Variants in ATP9A observed in about 807,000 individuals in gnomAD.
ATP9A encodes probable phospholipid-transporting ATPase IIA.
Under a neutral mutation model 144.1 loss-of-function variants are expected in ATP9A, and 52 were observed. That is an observed-to-expected ratio of 0.36 (90% CI 0.29 to 0.45). The LOEUF is 0.45. Among genes scored for constraint, ATP9A ranks in the 20% least tolerant of loss-of-function variants. The pLI is 1.00. For missense variants in ATP9A, 947 were observed against 1,392.7 expected (o/e 0.68, Z 5.09); for synonymous variants, 582 against 557.4 (o/e 1.04, Z -0.62).
At chr20:51,715,512 G>T (rs1247290896) in intron 3 of ATP9A, among the ~76,000 whole-genome samples, 4 of 152,212 alleles carry the variant, frequency 2.6e-5, no homozygotes, top group African/African-American at 9.6e-5. Flanking sequence ...CTCTGCGTGG[G>T]CCTGGCTAAA....
In ATP9A at chr20:51,597,361, CA is replaced by C. The variant is rs1177085343; in HGVS notation, c.*3849del. 1 of 151,722 alleles carries C rather than the reference CA, an allele frequency of 6.6e-6. No homozygotes were observed. The highest frequency in any genetic ancestry group is 1.9e-4 in the East Asian group (1 of 5,182). 9.4% of individuals were successfully genotyped at this position (151,722 alleles called of 1,614,324 possible). Reference sequence around the variant, plus strand: ...GAATATTTTAAGTATATATAAGTGGCAAAAAAGCTGTACATTAAAAGAAGGG... The same window carrying C: ...GAATATTTTAAGTATATATAAGTGGCAAAAAGCTGTACATTAAAAGAAGGG... On this transcript the variant is annotated 3_prime_UTR_variant, in exon 28 of 28. Coordinates refer to ENST00000338821, the MANE Select transcript of ATP9A (RefSeq NM_006045.3).
At chr20:51,742,605 C>G (rs188231136) in intron 1 of ATP9A, among the ~76,000 whole-genome samples, 27 of 152,222 alleles carry the variant, frequency 1.8e-4, no homozygotes, top group African/African-American at 6.3e-4. Flanking sequence ...ACCTCCGCCT[C>G]CTGGGTTCAA....
chr20:51,704,182 T>TAAA (rs11086355), intron 4 of ATP9A, among the ~76,000 whole-genome samples: 1,764 of 130,470 alleles, frequency 0.014, 40 homozygotes, highest in Non-Finnish European at 0.014. Flanking sequence ...AGTGGGAACT[T>TAAA]AAAAAAAAAA....
chr20:51,618,989 C>T lies in ATP9A; in HGVS notation c.2170G>A (p.Asp724Asn). The change falls in exon 20 of 28, where the codon GAT (aspartate) becomes AAT (asparagine). Residue 724 changes from aspartate (D) to asparagine (N), a missense_variant. Coordinates refer to ENST00000338821, the MANE Select transcript of ATP9A (RefSeq NM_006045.3). ...LELNAFRRKH[D>N]CALVISGDSL... Reference sequence around the variant, plus strand: ...TCTCCCGAGATGACCAGGGCACAATCATGCTTCCTGCGGAAGGCGTTCAGC... The same window carrying T: ...TCTCCCGAGATGACCAGGGCACAATTATGCTTCCTGCGGAAGGCGTTCAGC... 1.2e-6 allele frequency: 2 copies of T among 1,614,178 alleles called. No homozygotes were observed. The highest frequency in any genetic ancestry group is 1.7e-6 in the Non-Finnish European group (2 of 1,180,030).
At chr20:51,655,053 G>A (rs1022434978) in intron 14 of ATP9A, among the ~76,000 whole-genome samples, 1 of 152,178 alleles carries the variant, frequency 6.6e-6, no homozygotes, top group South Asian at 2.1e-4. Flanking sequence ...GATGTTCATT[G>A]CAAAATACTT....
chr20:51,715,062 AG>A lies in ATP9A; in HGVS notation c.328-1989del, dbSNP rs1169113994. ...CCCCTATCCCCTTTTAAAGCTTGCC[AG>A]GACAGTTATTTTTTAAATACAGTCA... is the stretch of plus-strand genomic sequence containing the variant. On this transcript the variant is annotated intron_variant, in intron 3 of 27. Transcript: ENST00000338821. 2.0e-5 allele frequency among the ~76,000 whole-genome samples: 3 copies of A among 152,300 alleles called. No individual in the cohort carries two copies. The East Asian group carries it at 5.8e-4, about 29-fold the overall frequency.
At chr20:51,629,212 C>T (rs2077261463) in intron 15 of ATP9A, 140 bp from the exon 16 acceptor site, 4 of 571,328 alleles carry the variant, frequency 7.0e-6, no homozygotes, top group Admixed American at 3.0e-5. Context: ...AGATGAAAAG[C>T]GAGAAGGGGC....
At chr20:51,626,989 G>A (rs1358013026) in intron 17 of ATP9A, among the ~76,000 whole-genome samples, 3 of 151,374 alleles carry the variant, frequency 2.0e-5, no homozygotes, top group Non-Finnish European at 2.9e-5. Flanking sequence ...CCTGGGAGGC[G>A]GAGGTTACAG....
Position 51,690,819 on chromosome 20 carries a change from C to A in ATP9A, c.643G>T (p.Asp215Tyr). The A allele has an allele frequency of 6.2e-7, 1 of 1,613,868 alleles. No individual in the cohort carries two copies. Among genetic ancestry groups the A allele is most frequent in the Non-Finnish European group, 8.5e-7 (1 of 1,179,776 alleles). ...ACTQRLPTAA[D>Y]LLQIRSYVYA... ...ACATACGATCGAATCTGAAGAAGGTCCTGTTCAACAGAAGGCACATTCGGG... is the reference window on the plus strand; with the variant it reads ...ACATACGATCGAATCTGAAGAAGGTACTGTTCAACAGAAGGCACATTCGGG... Residue 215 changes from aspartate to tyrosine, a missense_variant and splice_region_variant, in exon 8 of 28, where the codon GAC (aspartate) becomes TAC (tyrosine). Physicochemically the swap from Asp to Tyr is radical, Grantham distance 160 (BLOSUM62 -3). Coordinates refer to ENST00000338821, the MANE Select transcript of ATP9A (RefSeq NM_006045.3).
chr20:51,729,606 G>A (rs555168092), intron 2 of ATP9A, among the ~76,000 whole-genome samples: 2 of 152,192 alleles, frequency 1.3e-5, no homozygotes, highest in South Asian at 2.1e-4. Flanking sequence ...TTAGCCACGC[G>A]TGGTGGCACA....
chr20:51,616,831 G>A (rs756465234), intron 22 of ATP9A, among the ~76,000 whole-genome samples: 1 of 152,104 alleles, frequency 6.6e-6, no homozygotes, highest in Non-Finnish European at 1.5e-5. Flanking sequence ...CTCTTCCATA[G>A]CGCCCAAGAG....
chr20:51,661,430 C>A (rs2077410166), intron 13 of ATP9A, among the ~76,000 whole-genome samples: 1 of 150,522 alleles, frequency 6.6e-6, no homozygotes, highest in African/African-American at 2.4e-5. Context: ...GAGGCATGAT[C>A]ACAGCTCACT....
At chr20:51,622,040 T>C (rs757310059) in intron 19 of ATP9A, 34 bp downstream of exon 19, 1 of 1,586,016 alleles carries the variant, frequency 6.3e-7, no homozygotes. Flanking sequence ...TCGAACATCA[T>C]CCCCACATGG....
intron 1 of ATP9A, among the ~76,000 whole-genome samples, chr20:51,758,720 T>C (rs905298955): frequency 1.3e-5 from 2 of 151,944 alleles, no homozygotes; most frequent in Non-Finnish European, 1.5e-5. Flanking sequence ...AGGTCAAGAG[T>C]TCGAGACCAG....
intron 22 of ATP9A, among the ~76,000 whole-genome samples, chr20:51,617,196 C>G (rs1357235705): frequency 6.6e-6 from 1 of 152,124 alleles, no homozygotes; most frequent in Non-Finnish European, 1.5e-5. Flanking sequence ...CCACCCACCT[C>G]AGCCTCCCAA....
At chr20:51,733,748 A>T (rs772449586) in intron 1 of ATP9A, among the ~76,000 whole-genome samples, 6 of 151,558 alleles carry the variant, frequency 4.0e-5, no homozygotes, top group African/African-American at 7.3e-5. Flanking sequence ...ATCACAGCTC[A>T]CTGCAGCCTC....
At chr20:51,740,063 T>C (rs1025990123) in intron 1 of ATP9A, among the ~76,000 whole-genome samples, 27 of 152,096 alleles carry the variant, frequency 1.8e-4, no homozygotes, top group African/African-American at 6.3e-4. Context: ...TTCACTGTTA[T>C]TTATTTATTT....
intron 1 of ATP9A, among the ~76,000 whole-genome samples, chr20:51,752,582 G>A (rs2077837169): frequency 6.6e-6 from 1 of 151,676 alleles, no homozygotes; most frequent in African/African-American, 2.4e-5. Context: ...AGATCTGGAT[G>A]CCCTTTCAAA....
chr20:51,601,533 C>T (rs768490934), intron 27 of ATP9A, among the ~76,000 whole-genome samples, 186 bp from the exon 28 acceptor site: 1 of 152,188 alleles, frequency 6.6e-6, no homozygotes, highest in African/African-American at 2.4e-5. Context: ...GAGCACACAG[C>T]GCCGCAGCTT....
Sources: gnomAD v4.1 joint callset for allele counts (sites outside exome capture counted in the v4.1 genomes callset) on GRCh38, gnomAD v4.1.1 for gene constraint, MANE v1.5 for transcripts, NCBI Gene and HGNC (gene_info 2026-07-23, HGNC 2026-07-21) for gene names.